ANO3: variants seen among roughly 807,000 people sequenced by gnomAD.
ANO3 encodes the protein anoctamin 3.
ANO3 carries 99 observed loss-of-function variants against 144.8 expected under a neutral mutation model. The observed-to-expected ratio is 0.68, with a 90% CI of 0.58 to 0.81. The LOEUF (loss-of-function observed/expected upper bound fraction) is 0.81, where lower values mean the gene tolerates loss of function less well. Ranked by LOEUF, ANO3 falls within the 30% of genes least tolerant of loss-of-function variation. The pLI, the probability that ANO3 is intolerant of heterozygous loss-of-function variation, is 0.00. For synonymous variants in ANO3, 414 were observed against 392.6 expected, an observed-to-expected ratio of 1.05 and a Z score of -0.64; for missense variants, 905 against 1,202.2, an observed-to-expected ratio of 0.75 and a Z score of 3.66.
At chr11:26,605,391 T>G (rs1459228392) in intron 17 of ANO3, among the ~76,000 whole-genome samples, 1 of 152,170 alleles carries the variant, frequency 6.6e-6, no homozygotes, top group Non-Finnish European at 1.5e-5. Flanking sequence ...CATTTTCTTT[T>G]TTTGTTGTAT....
At chr11:26,591,374 G>A (rs1403226990) in intron 14 of ANO3, among the ~76,000 whole-genome samples, 1 of 152,144 alleles carries the variant, frequency 6.6e-6, no homozygotes, top group Non-Finnish European at 1.5e-5. Context: ...TAGCAGGCTG[G>A]TCCAGGGGTC....
At chr11:26,343,632 C>A (rs532335664) in intron 1 of ANO3, among the ~76,000 whole-genome samples, 3 of 152,278 alleles carry the variant, frequency 2.0e-5, no homozygotes, top group East Asian at 3.9e-4. Context: ...CTGAACATAT[C>A]AACATAAGAT....
rs1237064465 is a variant in ANO3, at chr11:26,660,588, C to T, written c.*144C>T. The T allele has an allele frequency of 2.8e-6, 2 of 703,542 alleles. No homozygotes were observed. Among genetic ancestry groups the T allele is most frequent in the Non-Finnish European group, 4.5e-6 (2 of 446,198 alleles). 43.6% of individuals were successfully genotyped at this position (703,542 alleles called of 1,614,324 possible). ...ACTTGGAAATGTATCACAGCCATCTCTGGGATTTGAAATATCCAGACTTGT... is the reference window on the plus strand; with the variant it reads ...ACTTGGAAATGTATCACAGCCATCTTTGGGATTTGAAATATCCAGACTTGT... On this transcript the variant is annotated 3_prime_UTR_variant, in exon 27 of 27. Transcript: ENST00000256737.
intron 1 of ANO3, among the ~76,000 whole-genome samples, chr11:26,437,049 C>T (rs533371175): frequency 2.6e-5 from 4 of 152,128 alleles, no homozygotes; most frequent in East Asian, 1.9e-4. Flanking sequence ...CTGGGAGCTC[C>T]GTCTCAGGGA....
chr11:26,553,421 C>A (rs1441352733), intron 13 of ANO3, 76 bp downstream of exon 13: 47 of 962,646 alleles, frequency 4.9e-5, no homozygotes, highest in Non-Finnish European at 6.9e-5. Context: ...TAGTCAATAG[C>A]TTTTTACCAA....
chr11:26,572,138 A>T (rs941427854), intron 14 of ANO3: 7 of 985,400 alleles, frequency 7.1e-6, no homozygotes, highest in South Asian at 4.7e-5. Context: ...AGATGGGTTA[A>T]GTGTGACAAT....
chr11:26,397,695 T>C lies in ANO3; in HGVS notation c.47-44223T>C, dbSNP rs564978277. ...CTCAAACGTTTATCATTTCTTTGTGTTGGGAACATTCAGTATCCTCCTTCT... is the reference window on the plus strand; with the variant it reads ...CTCAAACGTTTATCATTTCTTTGTGCTGGGAACATTCAGTATCCTCCTTCT... On this transcript the variant is annotated intron_variant, in intron 1 of 26. Coordinates refer to ENST00000256737, the MANE Select transcript of ANO3 (RefSeq NM_031418.4). Among the ~76,000 whole-genome samples the C allele has an allele frequency of 1.4e-4, 22 of 152,216 alleles. No homozygotes were observed. In the South Asian group the frequency reaches 4.3e-3, roughly 30 times the overall value.
chr11:26,491,557 A>C (rs1860709520), intron 4 of ANO3, among the ~76,000 whole-genome samples: 1 of 152,242 alleles, frequency 6.6e-6, no homozygotes. Flanking sequence ...TTCAGAAAAC[A>C]GAAGCAGCGT....
intron 4 of ANO3, among the ~76,000 whole-genome samples, chr11:26,504,319 G>T (rs1861326293): frequency 6.6e-6 from 1 of 152,054 alleles, no homozygotes; most frequent in African/African-American, 2.4e-5. Context: ...TGAATACATA[G>T]AACTATGCGT....
Position 26,641,885 on chromosome 11 carries a change from C to T in ANO3, c.2142-11C>T, listed in dbSNP as rs1412684780. Reference sequence around the variant, plus strand: ...AGAGCTCAAAAGTCCTTGGTCTGCTCTGTGATGTAGGTTGATCCAGAACTG... The same window carrying T: ...AGAGCTCAAAAGTCCTTGGTCTGCTTTGTGATGTAGGTTGATCCAGAACTG... On this transcript the variant is annotated splice_polypyrimidine_tract_variant and intron_variant, in intron 21 of 26. Transcript: ENST00000256737. 1.9e-6 allele frequency: 3 copies of T among 1,613,456 alleles called. No homozygotes were observed. In the African/African-American group the frequency reaches 4.0e-5, roughly 22 times the overall value.
intron 1 of ANO3, among the ~76,000 whole-genome samples, chr11:26,365,357 G>T (rs1451859032): frequency 1.3e-5 from 2 of 152,206 alleles, no homozygotes; most frequent in Admixed American, 1.3e-4. Flanking sequence ...CCATTCTGGG[G>T]TCTGGGGGAC....
intron 12 of ANO3, among the ~76,000 whole-genome samples, chr11:26,550,559 A>G (rs1268752506): frequency 6.6e-6 from 1 of 151,962 alleles, no homozygotes; most frequent in African/African-American, 2.4e-5. Context: ...ACTTAGCATA[A>G]TTTCCTCTAG....
intron 3 of ANO3, among the ~76,000 whole-genome samples, chr11:26,461,740 A>C (rs1466360937): frequency 6.6e-6 from 1 of 152,056 alleles, no homozygotes; most frequent in Non-Finnish European, 1.5e-5. Flanking sequence ...TTTTAGATGT[A>C]CCTCTTACTA....
intron 1 of ANO3, among the ~76,000 whole-genome samples, chr11:26,391,548 T>C (rs1199391022): frequency 1.3e-5 from 2 of 152,102 alleles, no homozygotes; most frequent in Admixed American, 1.3e-4. Context: ...CTATTACTTT[T>C]ATATGATAGC....
intron 1 of ANO3, among the ~76,000 whole-genome samples, chr11:26,364,150 T>C (rs1856001104): frequency 6.6e-6 from 1 of 152,200 alleles, no homozygotes; most frequent in Non-Finnish European, 1.5e-5. Flanking sequence ...TGTGGGTCCA[T>C]GTAACTCTAA....
At chr11:26,594,314 T>A (rs1474206104) in intron 14 of ANO3, among the ~76,000 whole-genome samples, 1 of 152,170 alleles carries the variant, frequency 6.6e-6, no homozygotes, top group African/African-American at 2.4e-5. Flanking sequence ...TGTCATCCTA[T>A]CATTGAACTG....
intron 4 of ANO3, among the ~76,000 whole-genome samples, chr11:26,498,654 T>C (rs1861065972): frequency 6.6e-6 from 1 of 151,476 alleles, no homozygotes; most frequent in Non-Finnish European, 1.5e-5. Flanking sequence ...AGGATCTCTA[T>C]TGCTTGCCTT....
intron 4 of ANO3, among the ~76,000 whole-genome samples, chr11:26,486,222 G>A (rs1314953390): frequency 6.6e-6 from 1 of 151,912 alleles, no homozygotes; most frequent in Admixed American, 6.6e-5. Context: ...TTAGCTGGAT[G>A]TGATGGCGTG....
At chr11:26,510,132 C>CAAAAAAA (rs67543168) in intron 5 of ANO3, among the ~76,000 whole-genome samples, 14 of 46,450 alleles carry the variant, frequency 3.0e-4, no homozygotes, top group East Asian at 7.6e-4. Flanking sequence ...GACTCCATCT[C>CAAAAAAA]AAAAAAAAAA....
Sources: gnomAD v4.1 joint callset for allele counts (sites outside exome capture counted in the v4.1 genomes callset) on GRCh38, gnomAD v4.1.1 for gene constraint, MANE v1.5 for transcripts, NCBI Gene and HGNC (gene_info 2026-07-23, HGNC 2026-07-21) for gene names.